TBC1D20: variants seen among roughly 807,000 people sequenced by gnomAD.
The protein encoded by TBC1D20 is chromosome 20 open reading frame 140.
A neutral mutation model predicts 41.6 loss-of-function variants in TBC1D20; 12 were observed. That is an observed-to-expected ratio of 0.29 (90% CI 0.18 to 0.47). The LOEUF (loss-of-function observed/expected upper bound fraction) is 0.47, where lower values mean the gene tolerates loss of function less well. Ranked by LOEUF, TBC1D20 falls within the 20% of genes least tolerant of loss-of-function variation. The probability of loss-of-function intolerance (pLI) is 1.00; values close to 1 mark genes in which losing one functional copy is unlikely to be tolerated. For synonymous variants in TBC1D20, 205 were observed against 204.8 expected (o/e 1.00, Z -0.01); for missense variants, 421 against 517.4 (o/e 0.81, Z 1.81).
At chr20:460,760 A>C (rs1457439297) in intron 1 of TBC1D20, among the ~76,000 whole-genome samples, 1 of 152,236 alleles carries the variant, frequency 6.6e-6, no homozygotes, top group East Asian at 1.9e-4. Flanking sequence ...CAATACTCTG[A>C]TATGATTAAA....
intron 1 of TBC1D20, among the ~76,000 whole-genome samples, chr20:459,365 T>C (rs182868613): frequency 6.6e-6 from 1 of 152,346 alleles, no homozygotes; most frequent in Non-Finnish European, 1.5e-5. Context: ...AGAGGTAGAA[T>C]GTATGTCATT....
intron 1 of TBC1D20, among the ~76,000 whole-genome samples, chr20:459,457 C>G (rs1057162869): frequency 6.6e-6 from 1 of 152,140 alleles, no homozygotes; most frequent in Non-Finnish European, 1.5e-5. Context: ...AAAGCTGATA[C>G]CTTCCAAATT....
At chr20:444,990 G>A (rs1385607069) in intron 3 of TBC1D20, 60 bp downstream of exon 3, 2 of 1,444,056 alleles carry the variant, frequency 1.4e-6, no homozygotes, top group Non-Finnish European at 1.9e-6. Flanking sequence ...TAGGTCACAT[G>A]GTATGACCTG....
intron 1 of TBC1D20, among the ~76,000 whole-genome samples, chr20:461,745 C>G (rs576062897): frequency 2.0e-5 from 3 of 152,180 alleles, no homozygotes; most frequent in Non-Finnish European, 4.4e-5. Context: ...GTCGTGAATA[C>G]CGGGGAACGC....
intron 1 of TBC1D20, among the ~76,000 whole-genome samples, chr20:457,097 T>A (rs2017555158): frequency 6.6e-6 from 1 of 151,842 alleles, no homozygotes. Context: ...CCACCATGCC[T>A]GGCTAATTTT....
chr20:449,307 G>T (rs1166439495), intron 1 of TBC1D20, among the ~76,000 whole-genome samples: 4 of 63,806 alleles, frequency 6.3e-5, no homozygotes, highest in Non-Finnish European at 1.2e-4. Context: ...AAAAAAAAAG[G>T]TAAGTGAGGC....
At chr20:438,945 G>A (rs2017173228) in intron 7 of TBC1D20, 104 bp from the exon 8 acceptor site, 3 of 1,507,128 alleles carry the variant, frequency 2.0e-6, no homozygotes, top group Non-Finnish European at 2.7e-6. Flanking sequence ...TGCTGGGAAA[G>A]CTCTTTATGA....
intron 1 of TBC1D20, among the ~76,000 whole-genome samples, chr20:457,136 A>G (rs1411470175): frequency 6.6e-6 from 1 of 151,848 alleles, no homozygotes; most frequent in Non-Finnish European, 1.5e-5. Context: ...GGGTTTTTCC[A>G]TGTTGGTCAG....
At chr20:461,705 A>G (rs2017633258) in intron 1 of TBC1D20, among the ~76,000 whole-genome samples, 2 of 152,252 alleles carry the variant, frequency 1.3e-5, no homozygotes. Context: ...GGCAGAAGAC[A>G]GACAGAAAGT....
At chr20:460,275 T>C (rs781203485) in intron 1 of TBC1D20, among the ~76,000 whole-genome samples, 23 of 152,034 alleles carry the variant, frequency 1.5e-4, no homozygotes, top group Admixed American at 6.6e-4. Context: ...ACTACTGATA[T>C]TGACATTGGA....
At chr20:447,667 T>G (rs557859118) in intron 2 of TBC1D20, among the ~76,000 whole-genome samples, 1 of 152,026 alleles carries the variant, frequency 6.6e-6, no homozygotes, top group East Asian at 1.9e-4. Flanking sequence ...CAAAAATAAA[T>G]AAAATAAAAA....
chr20:462,295 C>T (rs1333077387), intron 1 of TBC1D20, 41 bp downstream of exon 1: 1 of 1,248,244 alleles, frequency 8.0e-7, no homozygotes, highest in Non-Finnish European at 1.0e-6. Context: ...CCCCGGGCCG[C>T]CCTCGCAGGC....
At position 462,400 on chromosome 20, in the gene TBC1D20, G is replaced by C. The variant is rs757578811; in HGVS notation, c.6C>G (p.Ala2=). Residue 2 remains alanine (A), a synonymous_variant, in exon 1 of 8, where the codon GCC becomes GCG. Coordinates refer to ENST00000354200, the MANE Select transcript of TBC1D20 (RefSeq NM_144628.4). ...GGCCGTCGCCCTGCGCACTCCGGAGGGCCATGCCCCGGGGCCCCGGGCCCC... is the reference window on the plus strand; with the variant it reads ...GGCCGTCGCCCTGCGCACTCCGGAGCGCCATGCCCCGGGGCCCCGGGCCCC... M[A]LRSAQGDGPT... The C allele has an allele frequency of 1.3e-4, 159 of 1,248,172 alleles. No homozygotes were observed. Among genetic ancestry groups the C allele is most frequent in the South Asian group, 8.5e-4 (35 of 40,976 alleles). 77.3% of individuals were successfully genotyped at this position (1,248,172 alleles called of 1,614,324 possible).
At chr20:448,192 A>ACTGCC in intron 1 of TBC1D20, 118 bp from the exon 2 acceptor site, 1 of 650,250 alleles carries the variant, frequency 1.5e-6, no homozygotes, top group South Asian at 2.1e-5. Flanking sequence ...TAGCTCTAAG[A>ACTGCC]CTGCCTGCTG....
chr20:448,941 C>T (rs2017390424), intron 1 of TBC1D20, among the ~76,000 whole-genome samples: 1 of 142,074 alleles, frequency 7.0e-6, no homozygotes, highest in Admixed American at 7.1e-5. Flanking sequence ...CCTCCCGGGT[C>T]CCGGTTCAAG....
At chr20:446,100 G>A (rs1011391153) in intron 2 of TBC1D20, among the ~76,000 whole-genome samples, 2 of 152,252 alleles carry the variant, frequency 1.3e-5, no homozygotes, top group Non-Finnish European at 2.9e-5. Flanking sequence ...ACTAATATTT[G>A]CCAACTGAAA....
intron 1 of TBC1D20, among the ~76,000 whole-genome samples, chr20:449,550 C>T (rs949754385): frequency 5.3e-5 from 8 of 151,778 alleles, no homozygotes; most frequent in African/African-American, 7.3e-5. Context: ...GAGCCAAGAT[C>T]GTGCCACTGC....
chr20:455,295 G>A (rs1264999813), intron 1 of TBC1D20, among the ~76,000 whole-genome samples: 1 of 152,062 alleles, frequency 6.6e-6, no homozygotes, highest in Non-Finnish European at 1.5e-5. Flanking sequence ...TCCCAGTTTG[G>A]AAGCCAAATT....
intron 1 of TBC1D20, among the ~76,000 whole-genome samples, chr20:456,356 CATCCATT>C: frequency 6.6e-6 from 1 of 152,160 alleles, no homozygotes; most frequent in Non-Finnish European, 1.5e-5. Flanking sequence ...TTCATCCATT[CATCCATT>C]CATCCGCCTG....
Sources: gnomAD v4.1 joint callset for allele counts (sites outside exome capture counted in the v4.1 genomes callset) on GRCh38, gnomAD v4.1.1 for gene constraint, MANE v1.5 for transcripts, NCBI Gene and HGNC (gene_info 2026-07-23, HGNC 2026-07-21) for gene names.